The following ZNF568 variants were observed in gnomAD, a reference collection of about 807,000 sequenced individuals.
ZNF568 encodes the protein zinc finger protein 568, also known as p53 inhibitor of SCO2 activation.
ZNF568 carries 11 observed loss-of-function variants against 18.1 expected under a neutral mutation model. The ratio of observed to expected loss-of-function variants is 0.61; its 90% CI spans 0.38 to 1.00. The LOEUF is 1.00. Ranked by LOEUF, ZNF568 falls within the 50% of genes least tolerant of loss-of-function variation. The pLI is 0.01. For synonymous variants in ZNF568, 213 were observed against 246.6 expected, an observed-to-expected ratio of 0.86 and a Z score of 1.28; for missense variants, 639 against 768.2, an observed-to-expected ratio of 0.83 and a Z score of 1.99.
At chr19:36,991,154 G>T in intron 2 of ZNF568, 1 of 1,519,520 alleles carries the variant, frequency 6.6e-7, no homozygotes, top group Non-Finnish European at 8.8e-7. Context: ...TTCACAAATG[G>T]TGTATTTATT....
Position 36,933,911 on chromosome 19 carries a change from GT to G in ZNF568, c.136-2831del, listed in dbSNP as rs1443339780. 2.0e-3 allele frequency among the ~76,000 whole-genome samples: 110 copies of G among 54,690 alleles called. 1 individual carries two copies. Among genetic ancestry groups the G allele is most frequent in the Middle Eastern group, 0.019 (2 of 104 alleles). The allele number at this position is 54,690 out of a possible 152,430, so 35.9% of individuals were successfully genotyped here. On this transcript the variant is annotated intron_variant, in intron 4 of 6. Coordinates refer to ENST00000333987, the MANE Select transcript of ZNF568 (RefSeq NM_198539.4). ...TTCTTTTGGGTAGGTTTTTTTTTTT[GT>G]TTTGTTTTTTTGTTTTTTTTTTTTT...
chr19:36,991,777 A>T (rs866302142), exon 4 of ZNF568: 12 of 1,579,742 alleles, frequency 7.6e-6, no homozygotes, highest in Non-Finnish European at 1.0e-5. Flanking sequence ...GCCAAATGTG[A>T]TCTCCTTATT....
At chr19:36,982,587 T>G (rs2074340518), downstream of ZNF568, among the ~76,000 whole-genome samples, 1 of 152,072 alleles carries the variant, frequency 6.6e-6, no homozygotes, top group Non-Finnish European at 1.5e-5. Context: ...GTGCCTGTAA[T>G]CCTAGCTATT....
At chr19:36,987,862 A>G (rs2074390084) in intron 2 of ZNF568, among the ~76,000 whole-genome samples, 1 of 94,732 alleles carries the variant, frequency 1.1e-5, no homozygotes, top group South Asian at 4.1e-4. Context: ...TGGGGTACCA[A>G]AAGCAGGGAT....
chr19:36,983,245 A>C (rs941256138), downstream of ZNF568, among the ~76,000 whole-genome samples: 2 of 152,152 alleles, frequency 1.3e-5, no homozygotes, highest in Non-Finnish European at 1.5e-5. Flanking sequence ...GGCCCTTGAC[A>C]AAAAAAGTTT....
chr19:36,922,935 A>G, intron 3 of ZNF568, 89 bp downstream of exon 3: 1 of 1,102,356 alleles, frequency 9.1e-7, no homozygotes, highest in Non-Finnish European at 1.3e-6. Flanking sequence ...CCTACTGAGA[A>G]AGGTCACGTA....
chr19:36,985,580 T>G (rs2074369548), intron 2 of ZNF568, among the ~76,000 whole-genome samples: 1 of 152,198 alleles, frequency 6.6e-6, no homozygotes, highest in Non-Finnish European at 1.5e-5. Context: ...TGGAGTGCAG[T>G]AATGCGATCT....
intron 7 of ZNF568, among the ~76,000 whole-genome samples, chr19:36,975,150 T>TTCTC: frequency 7.0e-6 from 1 of 142,798 alleles, no homozygotes; most frequent in Admixed American, 6.9e-5. Flanking sequence ...CTTTCTTTCT[T>TTCTC]TCTTTTTTTT....
rs530054188 is a variant in ZNF568 at position 36,974,276 on chromosome 19, T to C, written c.359-144T>C. ...GCTCCTAAGGTCACCTGCATTTCTT[T>C]GTGAGGATGACAGAGAGCGGTGGCG... is the stretch of plus-strand genomic sequence containing the variant. On this transcript the variant is annotated intron_variant, in intron 6 of 7. Transcript: ENST00000427117. 36 of 656,316 alleles carry C rather than the reference T, an allele frequency of 5.5e-5. No individual in the cohort carries two copies. In the East Asian group the frequency reaches 7.4e-4, roughly 14 times the overall value. The allele number at this position is 656,316 out of a possible 1,614,324, so 40.7% of individuals were successfully genotyped here.
At chr19:36,972,009 A>G (rs920722810) in intron 6 of ZNF568, among the ~76,000 whole-genome samples, 23 of 150,202 alleles carry the variant, frequency 1.5e-4, no homozygotes, top group Non-Finnish European at 3.0e-4. Context: ...TAAATTTTGT[A>G]TTTTTAGTAG....
At chr19:36,965,606 G>A (rs572174909) in intron 6 of ZNF568, among the ~76,000 whole-genome samples, 6 of 151,738 alleles carry the variant, frequency 4.0e-5, no homozygotes, top group Admixed American at 1.3e-4. Context: ...TTTCTTGCCC[G>A]TAATGCTGCT....
chr19:36,982,865 T>C (rs2048563874), downstream of ZNF568, among the ~76,000 whole-genome samples: 2 of 152,216 alleles, frequency 1.3e-5, 1 homozygote, highest in Non-Finnish European at 2.9e-5. Context: ...TATTACTGGA[T>C]TCAGTTTGCT....
intron 3 of ZNF568, chr19:36,991,361 A>T: frequency 6.9e-7 from 1 of 1,454,018 alleles, no homozygotes; most frequent in South Asian, 1.4e-5. Flanking sequence ...GGCCTTCTGG[A>T]ATTCTTATGT....
intron 2 of ZNF568, among the ~76,000 whole-genome samples, chr19:36,987,694 C>T (rs550742717): frequency 6.6e-6 from 1 of 152,188 alleles, no homozygotes; most frequent in East Asian, 1.9e-4. Context: ...GGGCTCTGAT[C>T]AGCTCCTGAC....
downstream of ZNF568, among the ~76,000 whole-genome samples, chr19:36,956,062 AT>A (rs1255465781): frequency 6.6e-6 from 1 of 152,188 alleles, no homozygotes; most frequent in African/African-American, 2.4e-5. Flanking sequence ...GGGTAAGAGA[AT>A]GGAGGAAGCA....
At chr19:36,929,457 G>A (rs552242574) in intron 4 of ZNF568, among the ~76,000 whole-genome samples, 13 of 151,918 alleles carry the variant, frequency 8.6e-5, no homozygotes, top group Non-Finnish European at 1.8e-4. Context: ...AGGCTGAGGC[G>A]GGTGAATCAT....
At chr19:36,988,816 T>C (rs1258926239) in intron 2 of ZNF568, among the ~76,000 whole-genome samples, 1 of 152,176 alleles carries the variant, frequency 6.6e-6, no homozygotes, top group Non-Finnish European at 1.5e-5. Context: ...AGTTAGTGTA[T>C]CTATCACCTC....
chr19:36,956,646 G>A (rs1022310423), downstream of ZNF568, among the ~76,000 whole-genome samples: 1 of 151,558 alleles, frequency 6.6e-6, no homozygotes, highest in African/African-American at 2.4e-5. Context: ...TGCCCAGGCT[G>A]GAGTATGTGA....
At chr19:36,995,635 G>C (rs2074463784) in intron 4 of ZNF568, among the ~76,000 whole-genome samples, 1 of 150,758 alleles carries the variant, frequency 6.6e-6, no homozygotes, top group South Asian at 2.1e-4. Flanking sequence ...ACTACCTTCT[G>C]TTATATTACA....
Sources: allele counts gnomAD v4.1 joint callset (sites outside exome capture counted in the v4.1 genomes callset), GRCh38; gene constraint gnomAD v4.1.1; transcripts MANE v1.5; gene names NCBI Gene and HGNC (gene_info 2026-07-23, HGNC 2026-07-21).